The following MEPE variants were observed in gnomAD, a reference collection of about 807,000 sequenced individuals.
MEPE encodes the protein matrix, extracellular phosphoglycoprotein with ASARM motif (bone).
MEPE carries 7 observed loss-of-function variants against 7.3 expected under a neutral mutation model. The observed-to-expected ratio is 0.95, with a 90% CI of 0.54 to 1.79. The LOEUF (loss-of-function observed/expected upper bound fraction) is 1.79. Ranked by LOEUF, MEPE falls within the 40% of genes most tolerant of loss-of-function variation. The pLI is 0.00. For synonymous variants in MEPE, 214 were observed against 213.1 expected, an observed-to-expected ratio of 1.00 and a Z score of -0.04; for missense variants, 623 against 628.2, an observed-to-expected ratio of 0.99 and a Z score of 0.09.
Position 87,823,858 on chromosome 4 carries a change from G to T in MEPE, c.-13+2387G>T, listed in dbSNP as rs1722401727. On this transcript the variant is annotated intron_variant, in intron 1 of 3. Transcript: ENST00000424957. ...AATTGAAAGTAAACCATGAAGCAAT[G>T]ACTTGGACATTTTGTTTATCCATGT... 2.0e-5 allele frequency among the ~76,000 whole-genome samples: 3 copies of T among 152,156 alleles called. No homozygotes were observed. In the South Asian group the frequency reaches 6.2e-4, roughly 32 times the overall value.
chr4:87,831,767 C>T (rs1039470626), upstream of MEPE, among the ~76,000 whole-genome samples: 14 of 152,198 alleles, frequency 9.2e-5, no homozygotes, highest in East Asian at 2.7e-3. Flanking sequence ...CTTGCTCAGG[C>T]CTCCAACCAA....
chr4:87,827,859 T>C (rs1722506297), intron 1 of MEPE, among the ~76,000 whole-genome samples: 2 of 152,334 alleles, frequency 1.3e-5, no homozygotes, highest in South Asian at 4.1e-4. Context: ...TCCATGATTC[T>C]GCATCTGGCT....
At chr4:87,834,243 A>C (rs1722693218) in intron 1 of MEPE, among the ~76,000 whole-genome samples, 3 of 152,316 alleles carry the variant, frequency 2.0e-5, no homozygotes. Context: ...CATGAGACAC[A>C]GATTAGGGCA....
rs1181588407 is a variant in MEPE, at chr4:87,845,664, C to T, written c.796C>T (p.Pro266Ser). Residue 266 changes from proline to serine, a missense_variant, in exon 4 of 4, where the codon CCT becomes TCT. Physicochemically the swap from Pro to Ser is moderately conservative, Grantham distance 74 (BLOSUM62 -1). Transcript: ENST00000361056. ...SGDGQPFKDI[P>S]GKGEATGPDL... The stretch of plus-strand genomic sequence containing the variant: ...GGACGGCCAACCTTTTAAGGACATT[C>T]CTGGTAAAGGAGAAGCTACTGGTCC... 1 of 1,613,654 alleles carries T rather than the reference C, an allele frequency of 6.2e-7. No homozygotes were observed. The highest frequency in any genetic ancestry group is 1.7e-5 in the Admixed American group (1 of 59,956).
intron 3 of MEPE, among the ~76,000 whole-genome samples, chr4:87,844,364 A>C (rs13127257): frequency 0.14 from 21,942 of 152,122 alleles, 1,860 homozygotes; most frequent in Non-Finnish European, 0.2. Flanking sequence ...CCCCCACCAA[A>C]ATAAAAGAAT....
chr4:87,838,718 T>C, intron 3 of MEPE, 33 bp downstream of exon 3: 1 of 1,593,042 alleles, frequency 6.3e-7, no homozygotes, highest in Admixed American at 1.7e-5. Context: ...AATAACTCTA[T>C]TTCAGCTCTA....
chr4:87,846,374 T>G lies in MEPE; in HGVS notation c.1506T>G (p.Phe502Leu). The G allele has an allele frequency of 6.2e-7, 1 of 1,614,060 alleles. No homozygotes were observed. The highest frequency in any genetic ancestry group is 1.1e-5 in the South Asian group (1 of 91,072). The stretch of plus-strand genomic sequence containing the variant: ...GACAACCCCATTCCAACAGGAGGTT[T>G]AGTTCCCGTAGAAGGGATGACAGTA... ...WGRQPHSNRR[F>L]SSRRRDDSSE... Residue 502 changes from phenylalanine to leucine, a missense_variant, in exon 4 of 4, where the codon TTT (phenylalanine) becomes TTG (leucine). Phe to Leu is a conservative substitution (Grantham distance 22). Transcript: ENST00000361056.
chr4:87,830,534 C>T (rs111926714), upstream of MEPE, among the ~76,000 whole-genome samples: 9,100 of 152,116 alleles, frequency 0.06, 329 homozygotes, highest in African/African-American at 0.1. Context: ...ATGATAAGAA[C>T]TTATGAACAC....
intron 1 of MEPE, among the ~76,000 whole-genome samples, chr4:87,821,776 C>G (rs1041736522): frequency 1.3e-5 from 2 of 152,084 alleles, no homozygotes; most frequent in Non-Finnish European, 2.9e-5. Flanking sequence ...CAAGGGTGCT[C>G]CATACAAATA....
intron 3 of MEPE, among the ~76,000 whole-genome samples, chr4:87,842,408 T>C (rs1369745895): frequency 1.3e-5 from 2 of 152,156 alleles, no homozygotes; most frequent in Non-Finnish European, 2.9e-5. Flanking sequence ...TCCACATGCT[T>C]GACAAGAGCC....
rs995669808 is a variant in MEPE at position 87,846,654 on chromosome 4, C to CA, written c.*217dup. 7.8e-4 allele frequency: 354 copies of CA among 454,232 alleles called. No individual in the cohort carries two copies. Among genetic ancestry groups the CA allele is most frequent in the South Asian group, 2.1e-3 (39 of 18,390 alleles). 28.1% of individuals were successfully genotyped at this position (454,232 alleles called of 1,614,324 possible). On this transcript the variant is annotated 3_prime_UTR_variant, in exon 4 of 4. Coordinates refer to ENST00000361056, the MANE Select transcript of MEPE (RefSeq NM_020203.6). ...TATTAAAGGCTATAATGTTTTTAAG[C>CA]AAAAAAAAATCATTACAGATCTATG...
At chr4:87,839,750 T>C (rs1722942025) in intron 3 of MEPE, 3 of 1,550,180 alleles carry the variant, frequency 1.9e-6, no homozygotes, top group Non-Finnish European at 2.6e-6. Flanking sequence ...ACATGTCACC[T>C]GAGAAGAAAA....
At chr4:87,828,959 A>AT (rs946820408), upstream of MEPE, among the ~76,000 whole-genome samples, 5 of 151,974 alleles carry the variant, frequency 3.3e-5, no homozygotes, top group Admixed American at 1.3e-4. Flanking sequence ...GAAGATACAT[A>AT]TTTTTTTTAC....
intron 1 of MEPE, among the ~76,000 whole-genome samples, chr4:87,821,630 C>A (rs1722340933): frequency 6.6e-6 from 1 of 152,134 alleles, no homozygotes; most frequent in Non-Finnish European, 1.5e-5. Flanking sequence ...TGTTTTTGGT[C>A]ATTGTTGCTG....
At chr4:87,821,704 G>A (rs1430350740) in intron 1 of MEPE, among the ~76,000 whole-genome samples, 1 of 152,112 alleles carries the variant, frequency 6.6e-6, no homozygotes, top group Admixed American at 6.5e-5. Context: ...TGGCCACCTA[G>A]CCTCGTGATG....
chr4:87,822,674 T>C (rs1046608130), intron 1 of MEPE, among the ~76,000 whole-genome samples: 14 of 152,188 alleles, frequency 9.2e-5, no homozygotes, highest in Admixed American at 7.9e-4. Context: ...AGGAGTCAGC[T>C]CTACCCCTTA....
In MEPE at chr4:87,845,753, T is replaced by C. The variant is rs1416495014; in HGVS notation, c.885T>C (p.His295=). The part of the protein sequence containing the change: ...FAGPSEAEST[H]LDTKKPGYNE... ...GCCCAAGTGAAGCTGAGAGTACTCATCTTGACACAAAAAAGCCAGGTTATA... is the reference window on the plus strand; with the variant it reads ...GCCCAAGTGAAGCTGAGAGTACTCACCTTGACACAAAAAAGCCAGGTTATA... The change falls in exon 4 of 4, where the codon CAT becomes CAC. Residue 295 remains histidine, a synonymous_variant. Coordinates refer to ENST00000361056, the MANE Select transcript of MEPE (RefSeq NM_020203.6). The C allele has an allele frequency of 2.5e-6, 4 of 1,613,796 alleles. No individual in the cohort carries two copies. Among genetic ancestry groups the C allele is most frequent in the East Asian group, 2.2e-5 (1 of 44,860 alleles).
chr4:87,838,962 G>A (rs1424503124), intron 3 of MEPE, among the ~76,000 whole-genome samples: 6 of 152,162 alleles, frequency 3.9e-5, no homozygotes, highest in African/African-American at 9.7e-5. Flanking sequence ...CCTTCATGGG[G>A]CTAAGTGAGT....
intron 2 of MEPE, among the ~76,000 whole-genome samples, chr4:87,838,038 T>C (rs1341187135): frequency 6.6e-6 from 1 of 152,212 alleles, no homozygotes; most frequent in Non-Finnish European, 1.5e-5. Flanking sequence ...CCTAATCTGC[T>C]GGCCACCTCC....
Sources: gnomAD v4.1 joint callset for allele counts (sites outside exome capture counted in the v4.1 genomes callset) on GRCh38, gnomAD v4.1.1 for gene constraint, MANE v1.5 for transcripts, NCBI Gene and HGNC (gene_info 2026-07-23, HGNC 2026-07-21) for gene names.